GALNT13: variants seen among roughly 807,000 people sequenced by gnomAD.
GALNT13 encodes the protein UDP-GalNAc:polypeptide N-acetylgalactosaminyltransferase 13.
In GALNT13, 28 loss-of-function variants were observed where a neutral mutation model predicts 64.2. The ratio of observed to expected loss-of-function variants is 0.44; its 90% CI spans 0.32 to 0.60. The LOEUF (loss-of-function observed/expected upper bound fraction) is 0.60, where lower values mean the gene tolerates loss of function less well. Ranked by LOEUF, GALNT13 falls within the 20% of genes least tolerant of loss-of-function variation. GALNT13 has a pLI of 0.05. For synonymous variants in GALNT13, 214 were observed against 224.6 expected, an observed-to-expected ratio of 0.95 and a Z score of 0.42; for missense variants, 577 against 669.8, an observed-to-expected ratio of 0.86 and a Z score of 1.53.
the GALNT13 span, among the ~76,000 whole-genome samples, chr2:153,170,882 A>T: frequency 1.3e-5 from 2 of 152,256 alleles, no homozygotes; most frequent in South Asian, 2.1e-4. Flanking sequence ...TTTGTCTAAT[A>T]TAGCAGTTAT....
At chr2:153,438,771 C>T in the GALNT13 span, among the ~76,000 whole-genome samples, 2 of 152,212 alleles carry the variant, frequency 1.3e-5, no homozygotes, top group Middle Eastern at 3.4e-3. Context: ...TTGGTTCAGA[C>T]TTCCTCCTTT....
At chr2:154,069,824 T>G (rs1419478723) in intron 3 of GALNT13, among the ~76,000 whole-genome samples, 1 of 152,076 alleles carries the variant, frequency 6.6e-6, no homozygotes, top group African/African-American at 2.4e-5. Flanking sequence ...TATATACAAA[T>G]TAACTTGAAA....
At chr2:153,740,349 G>A in the GALNT13 span, among the ~76,000 whole-genome samples, 1 of 151,848 alleles carries the variant, frequency 6.6e-6, no homozygotes, top group Non-Finnish European at 1.5e-5. Flanking sequence ...CTCTTCTACT[G>A]TATTCTGGTA....
At chr2:153,932,358 G>C (rs902835565) in intron 2 of GALNT13, among the ~76,000 whole-genome samples, 27 of 151,372 alleles carry the variant, frequency 1.8e-4, no homozygotes, top group African/African-American at 6.5e-4. Context: ...TGTTTTACTC[G>C]TTCCTTTAGG....
At chr2:154,206,472 G>A (rs1248058468) in intron 4 of GALNT13, among the ~76,000 whole-genome samples, 1 of 151,792 alleles carries the variant, frequency 6.6e-6, no homozygotes, top group African/African-American at 2.4e-5. Flanking sequence ...AAACATTCTA[G>A]GTTTGGAATC....
intron 8 of GALNT13, among the ~76,000 whole-genome samples, chr2:154,265,233 A>G (rs1471785748): frequency 1.3e-5 from 2 of 151,980 alleles, no homozygotes; most frequent in African/African-American, 4.8e-5. Flanking sequence ...GATACAAATT[A>G]TCAAAGCTCA....
the GALNT13 span, among the ~76,000 whole-genome samples, chr2:153,201,141 C>G: frequency 1.2e-4 from 19 of 152,212 alleles, no homozygotes; most frequent in Non-Finnish European, 4.4e-5. Context: ...GGTCCTGCAT[C>G]TGTGTGTCAC....
At chr2:153,347,802 C>T in the GALNT13 span, among the ~76,000 whole-genome samples, 21 of 152,306 alleles carry the variant, frequency 1.4e-4, no homozygotes, top group South Asian at 4.1e-4. Flanking sequence ...GCAATCTATG[C>T]TATTTCAGGG....
At chr2:153,727,623 A>C in the GALNT13 span, among the ~76,000 whole-genome samples, 1 of 152,138 alleles carries the variant, frequency 6.6e-6, no homozygotes. Flanking sequence ...CTAACACTGG[A>C]TATTTTCTCC....
intron 4 of GALNT13, among the ~76,000 whole-genome samples, chr2:154,239,797 A>G (rs17203229): frequency 0.022 from 3,277 of 152,296 alleles, 67 homozygotes; most frequent in Non-Finnish European, 0.034. Flanking sequence ...TTAGCTGGCT[A>G]TATTGCAGAA....
Position 154,140,410 on chromosome 2 carries a change from GAA to G in GALNT13, c.219_220del (p.Lys73AsnfsTer6), listed in dbSNP as rs758538989. ...AVLIPKDDQE[K>X]MKELFKINQF... ...TGTTGATTCCTAAAGATGACCAGGA[GAA>G]AATGAAAGAGCTGTTTAAAATCAAT... On this transcript the variant is annotated frameshift_variant, in exon 4 of 13. Transcript: ENST00000392825. LOFTEE classifies it high-confidence loss of function. 6.2e-7 allele frequency: 1 copy of G among 1,612,744 alleles called. No individual in the cohort carries two copies. Among genetic ancestry groups the G allele is most frequent in the Non-Finnish European group, 8.5e-7 (1 of 1,178,966 alleles).
At chr2:154,376,245 T>A (rs1029090693) in intron 9 of GALNT13, among the ~76,000 whole-genome samples, 1 of 152,210 alleles carries the variant, frequency 6.6e-6, no homozygotes, top group Admixed American at 6.6e-5. Flanking sequence ...TTACTTTTAA[T>A]GAGCAAATCT....
At chr2:153,493,482 C>T in the GALNT13 span, among the ~76,000 whole-genome samples, 1,635 of 151,968 alleles carry the variant, frequency 0.011, 24 homozygotes, top group African/African-American at 0.037. Context: ...AAAATAATTT[C>T]GTTTTAAATC....
rs10578569 is a variant in GALNT13 at position 154,187,369 on chromosome 2, A to AACACAC, written c.311+46904_311+46909dup. Reference sequence around the variant, plus strand: ...AATGAGTAAGAAAGAGATAGGAGAAAACACACACACACACACACACACACA... The same window carrying AACACAC: ...AATGAGTAAGAAAGAGATAGGAGAAAACACACACACACACACACACACACACACACA... On this transcript the variant is annotated intron_variant, in intron 4 of 12. Transcript: ENST00000392825. 3.1e-3 allele frequency among the ~76,000 whole-genome samples: 437 copies of AACACAC among 140,346 alleles called. 4 individuals are homozygous for AACACAC. The highest frequency in any genetic ancestry group is 0.018 in the South Asian group (74 of 4,150). 92.1% of individuals were successfully genotyped at this position (140,346 alleles called of 152,430 possible).
chr2:153,906,196 T>A (rs1294086551), intron 2 of GALNT13, among the ~76,000 whole-genome samples: 1 of 151,898 alleles, frequency 6.6e-6, no homozygotes, highest in Non-Finnish European at 1.5e-5. Context: ...TCTGGTTGTT[T>A]TTTTTTAATG....
At chr2:154,299,859 G>T (rs1370547932) in intron 8 of GALNT13, among the ~76,000 whole-genome samples, 1 of 151,934 alleles carries the variant, frequency 6.6e-6, no homozygotes, top group Non-Finnish European at 1.5e-5. Flanking sequence ...TTCAGTGTTT[G>T]TTGGACCTAT....
At chr2:154,203,840 G>T (rs1181846664) in intron 4 of GALNT13, among the ~76,000 whole-genome samples, 1 of 151,986 alleles carries the variant, frequency 6.6e-6, no homozygotes, top group Non-Finnish European at 1.5e-5. Flanking sequence ...TTGCACCGTT[G>T]TCTACCTACA....
the GALNT13 span, among the ~76,000 whole-genome samples, chr2:153,164,308 A>G: frequency 6.6e-6 from 1 of 152,194 alleles, no homozygotes; most frequent in African/African-American, 2.4e-5. Context: ...ATACATAAAC[A>G]TATATATTCC....
At chr2:153,986,197 C>T (rs1694788491) in intron 3 of GALNT13, among the ~76,000 whole-genome samples, 2 of 151,992 alleles carry the variant, frequency 1.3e-5, no homozygotes, top group African/African-American at 4.8e-5. Flanking sequence ...TCAAATGGTA[C>T]ATGCATTAAC....
Sources: gnomAD v4.1 joint callset for allele counts (sites outside exome capture counted in the v4.1 genomes callset) on GRCh38, gnomAD v4.1.1 for gene constraint, MANE v1.5 for transcripts, NCBI Gene and HGNC (gene_info 2026-07-23, HGNC 2026-07-21) for gene names.